Variants in ATIC observed in about 807,000 individuals in gnomAD.
ATIC encodes 5-aminoimidazole-4-carboxamide ribonucleotide formyltransferase/IMP cyclohydrolase.
ATIC carries 64 observed loss-of-function variants against 72.5 expected under a neutral mutation model. The observed-to-expected ratio is 0.88, with a 90% confidence interval of 0.72 to 1.09. The LOEUF (loss-of-function observed/expected upper bound fraction) is 1.09, where lower values mean the gene tolerates loss of function less well. Among genes scored for constraint, ATIC ranks in the 50% least tolerant of loss-of-function variants. The pLI, the probability that ATIC is intolerant of heterozygous loss-of-function variation, is 0.00. For synonymous variants in ATIC, 281 were observed against 267.1 expected (o/e 1.05, Z -0.51); for missense variants, 787 against 732.4 (o/e 1.07, Z -0.86).
chr2:215,345,079 T>G, intron 13 of ATIC: 4 of 622,164 alleles, frequency 6.4e-6, no homozygotes, highest in Admixed American at 2.3e-5. Flanking sequence ...GTACTCAAAG[T>G]AGTTGTGCTG....
In ATIC at chr2:215,321,653, T is replaced by A. The variant is rs138636092; in HGVS notation, c.290+1922T>A. On this transcript the variant is annotated intron_variant, in intron 4 of 15. Transcript: ENST00000236959. ...ATCCTCATCAACGTTACTATCTGTC[T>A]TTTTGATTCTAGTCATTCTAGGGGT... is the stretch of plus-strand genomic sequence containing the variant. 1.6e-3 allele frequency among the ~76,000 whole-genome samples: 237 copies of A among 152,336 alleles called. 1 individual carries two copies. Among genetic ancestry groups the A allele is most frequent in the African/African-American group, 5.5e-3 (228 of 41,576 alleles).
chr2:215,368,398 G>A, the ATIC span, among the ~76,000 whole-genome samples: 123 of 152,122 alleles, frequency 8.1e-4, no homozygotes, highest in Non-Finnish European at 1.3e-3. Context: ...GTGACCTTGG[G>A]CCAGCTATTT....
At chr2:215,365,800 C>G in the ATIC span, 11 of 332,634 alleles carry the variant, frequency 3.3e-5, no homozygotes, top group African/African-American at 2.4e-4. Flanking sequence ...TATTTATTTA[C>G]TTTTTATTTT....
intron 14 of ATIC, chr2:215,347,182 C>T: frequency 1.9e-6 from 1 of 525,978 alleles, no homozygotes; most frequent in South Asian, 2.0e-5. Context: ...TAAATTGCAG[C>T]CTTGGTGTAG....
the ATIC span, among the ~76,000 whole-genome samples, chr2:215,359,232 G>C: frequency 6.6e-6 from 1 of 152,286 alleles, no homozygotes; most frequent in East Asian, 1.9e-4. Context: ...AGTTAGGCAA[G>C]TGGTTTGAAG....
At chr2:215,314,162 A>G (rs956751693) in intron 2 of ATIC, among the ~76,000 whole-genome samples, 1 of 152,174 alleles carries the variant, frequency 6.6e-6, no homozygotes, top group Admixed American at 6.5e-5. Context: ...CATTATGGTC[A>G]TATCTTCTTT....
chr2:215,332,305 TA>T, intron 7 of ATIC, 76 bp from the exon 8 acceptor site: 1 of 1,584,318 alleles, frequency 6.3e-7, no homozygotes, highest in Non-Finnish European at 8.7e-7. Context: ...TTAGTCATGT[TA>T]TTTTTTTGAG....
In ATIC at chr2:215,312,119, G is replaced by GC; in HGVS notation, c.-21dup. 1 of 1,530,236 alleles carries GC rather than the reference G, an allele frequency of 6.5e-7. No individual in the cohort carries two copies. The highest frequency in any genetic ancestry group is 8.7e-7 in the Non-Finnish European group (1 of 1,144,894). 94.8% of individuals were successfully genotyped at this position (1,530,236 alleles called of 1,614,324 possible). ...GTGCCGCCGCTGCTGCCTCCCGCTC[G>GC]CCCTGAACCCAGTGCCTGCAGCCAT... On this transcript the variant is annotated 5_prime_UTR_variant, in exon 1 of 16. Transcript: ENST00000236959.
chr2:215,335,383 C>G (rs907682354), intron 10 of ATIC, among the ~76,000 whole-genome samples: 2 of 152,126 alleles, frequency 1.3e-5, no homozygotes, highest in African/African-American at 4.8e-5. Context: ...AAACTTACCC[C>G]ATCAGTTGAA....
chr2:215,354,822 G>A, the ATIC span, among the ~76,000 whole-genome samples: 1 of 151,400 alleles, frequency 6.6e-6, no homozygotes, highest in African/African-American at 2.4e-5. Context: ...CTCAAGTGTT[G>A]TGGTATGTTG....
chr2:215,367,902 A>G, the ATIC span: 5 of 1,614,150 alleles, frequency 3.1e-6, no homozygotes, highest in Non-Finnish European at 4.2e-6. Flanking sequence ...CCAAAGCCTA[A>G]GCACTGGCAC....
intron 12 of ATIC, among the ~76,000 whole-genome samples, chr2:215,340,762 G>A (rs1034255653): frequency 2.0e-5 from 3 of 152,104 alleles, no homozygotes; most frequent in African/African-American, 7.2e-5. Context: ...CGCTGAACTC[G>A]GCTTTTGTCC....
intron 9 of ATIC, among the ~76,000 whole-genome samples, chr2:215,334,228 C>G (rs1228512390): frequency 1.7e-5 from 2 of 118,922 alleles, no homozygotes; most frequent in African/African-American, 3.1e-5. Flanking sequence ...GCTTCTTGCT[C>G]TGTTGCCCAG....
the ATIC span, chr2:215,361,077 G>A: frequency 1.3e-5 from 2 of 156,698 alleles, no homozygotes; most frequent in African/African-American, 4.8e-5. Context: ...GCAATTACTA[G>A]GATCATTTGG....
At chr2:215,343,661 T>A (rs1179855688) in intron 12 of ATIC, among the ~76,000 whole-genome samples, 1 of 152,210 alleles carries the variant, frequency 6.6e-6, no homozygotes, top group Non-Finnish European at 1.5e-5. Flanking sequence ...AAAGTTTTTT[T>A]ATGTTTTAGG....
At chr2:215,338,748 T>C (rs987328009) in intron 11 of ATIC, 31 bp from the exon 12 acceptor site, 3 of 1,608,688 alleles carry the variant, frequency 1.9e-6, no homozygotes, top group African/African-American at 2.7e-5. Flanking sequence ...AGTGGAGAGA[T>C]TAACTTTAAC....
downstream of ATIC, among the ~76,000 whole-genome samples, chr2:215,350,399 C>T (rs2053121394): frequency 6.6e-6 from 1 of 152,192 alleles, no homozygotes; most frequent in South Asian, 2.1e-4. Flanking sequence ...TCCCAAAGTG[C>T]TGGGATTACG....
chr2:215,333,773 T>G (rs1303479507), intron 9 of ATIC, among the ~76,000 whole-genome samples: 2 of 152,146 alleles, frequency 1.3e-5, no homozygotes, highest in Non-Finnish European at 2.9e-5. Flanking sequence ...CCGGGCGCAA[T>G]GTCTCACGCC....
Position 215,319,680 on chromosome 2 carries a change from A to G in ATIC, c.239A>G (p.Asn80Ser), listed in dbSNP as rs1356115868. 1.2e-6 allele frequency: 2 copies of G among 1,610,864 alleles called. No individual in the cohort carries two copies. Among genetic ancestry groups the G allele is most frequent in the East Asian group, 2.2e-5 (1 of 44,866 alleles). ...PAVHAGILARNIPEDNADMAR... is the reference protein window; with the variant it reads ...PAVHAGILARSIPEDNADMAR... ...TTTAAATTAGGAATCCTAGCTCGTA[A>G]TATTCCAGAAGATAATGCTGACATG... The change falls in exon 4 of 16, where the codon AAT becomes AGT. Residue 80 changes from asparagine (N) to serine (S), a missense_variant. Asn to Ser is a conservative substitution (Grantham distance 46). Transcript: ENST00000236959.
Sources: gnomAD v4.1 joint callset for allele counts (sites outside exome capture counted in the v4.1 genomes callset) on GRCh38, gnomAD v4.1.1 for gene constraint, MANE v1.5 for transcripts, NCBI Gene and HGNC (gene_info 2026-07-23, HGNC 2026-07-21) for gene names.